The following APBB2 variants were observed in gnomAD, a reference collection of about 807,000 sequenced individuals.
APBB2 encodes the protein Fe65-like 1.
A neutral mutation model predicts 82.5 loss-of-function variants in APBB2; 38 were observed. The ratio of observed to expected loss-of-function variants is 0.46; its 90% CI spans 0.36 to 0.60. APBB2 has a LOEUF of 0.60. Among genes scored for constraint, APBB2 ranks in the 20% least tolerant of loss-of-function variants. The probability of loss-of-function intolerance (pLI) is 0.00; values close to 1 mark genes in which losing one functional copy is unlikely to be tolerated. For missense variants in APBB2, 772 were observed against 972.3 expected (o/e 0.79, Z 2.74); for synonymous variants, 341 against 368.2 (o/e 0.93, Z 0.85).
chr4:40,830,404 C>T, intron 13 of APBB2, 59 bp downstream of exon 13: 2 of 1,227,648 alleles, frequency 1.6e-6, no homozygotes, highest in Non-Finnish European at 1.2e-6. Flanking sequence ...CCTTCCACAT[C>T]CTTTTATGCA....
At chr4:40,968,024 T>TA (rs1795083524) in intron 6 of APBB2, among the ~76,000 whole-genome samples, 2 of 152,198 alleles carry the variant, frequency 1.3e-5, no homozygotes, top group South Asian at 4.1e-4. Context: ...CACTGAGCAG[T>TA]GTTTTCACAT....
intron 6 of APBB2, among the ~76,000 whole-genome samples, chr4:40,987,919 T>A (rs548744680): frequency 2.6e-4 from 39 of 152,320 alleles, no homozygotes; most frequent in African/African-American, 8.9e-4. Flanking sequence ...TGCTAAGATT[T>A]CATGGTCTTC....
intron 6 of APBB2, among the ~76,000 whole-genome samples, chr4:40,971,333 A>G (rs1795880477): frequency 6.6e-6 from 1 of 152,222 alleles, no homozygotes; most frequent in African/African-American, 2.4e-5. Flanking sequence ...TTTTACAAGT[A>G]ATTTCCTCCA....
intron 6 of APBB2, among the ~76,000 whole-genome samples, chr4:40,972,181 C>T (rs1796084012): frequency 6.6e-6 from 1 of 152,048 alleles, no homozygotes; most frequent in African/African-American, 2.4e-5. Flanking sequence ...GTAATCCCAG[C>T]ACTTTGGGAG....
chr4:41,077,171 ATTT>A (rs368187037), intron 3 of APBB2, among the ~76,000 whole-genome samples: 3 of 129,956 alleles, frequency 2.3e-5, no homozygotes, highest in Admixed American at 8.1e-5. Flanking sequence ...CACCCAGCTA[ATTT>A]TTTTTTTTTT....
At chr4:40,925,628 C>A (rs971882362) in intron 10 of APBB2, among the ~76,000 whole-genome samples, 3 of 152,158 alleles carry the variant, frequency 2.0e-5, no homozygotes, top group Non-Finnish European at 4.4e-5. Flanking sequence ...CTGAAAGAAA[C>A]CTGTACCACG....
At chr4:41,065,240 A>G (rs188408261) in intron 4 of APBB2, among the ~76,000 whole-genome samples, 4 of 152,168 alleles carry the variant, frequency 2.6e-5, no homozygotes, top group Admixed American at 6.5e-5. Context: ...AGCTGTGTTC[A>G]TGCCACTGGA....
intron 4 of APBB2, among the ~76,000 whole-genome samples, chr4:41,041,973 T>C (rs1317460434): frequency 6.6e-6 from 1 of 152,136 alleles, no homozygotes; most frequent in Non-Finnish European, 1.5e-5. Context: ...CCCCCACAAA[T>C]ATACCTGATC....
chr4:41,169,100 G>A (rs968717400), intron 1 of APBB2, among the ~76,000 whole-genome samples: 7 of 147,904 alleles, frequency 4.7e-5, no homozygotes, highest in South Asian at 4.3e-4. Context: ...CAGGAGAATC[G>A]TTTGAACCCT....
chr4:40,855,614 T>C (rs758380272), intron 12 of APBB2, among the ~76,000 whole-genome samples: 3 of 152,174 alleles, frequency 2.0e-5, no homozygotes, highest in African/African-American at 7.2e-5. Context: ...TGTGCACTTA[T>C]AGTCCCAGCT....
At chr4:41,175,797 AG>A (rs765975864) in intron 1 of APBB2, among the ~76,000 whole-genome samples, 4 of 152,224 alleles carry the variant, frequency 2.6e-5, no homozygotes, top group Non-Finnish European at 5.9e-5. Flanking sequence ...ATTAGATGTG[AG>A]GAAGAAAACA....
chr4:41,044,505 T>A (rs1722670403), intron 4 of APBB2, among the ~76,000 whole-genome samples: 1 of 152,226 alleles, frequency 6.6e-6, no homozygotes, highest in South Asian at 2.1e-4. Flanking sequence ...AAGCTCACTC[T>A]GTAGAAGGTT....
At position 40,901,909 on chromosome 4, in the gene APBB2, ATGTGTGTGTGTGTGTGTG is replaced by A. The variant is rs35766512; in HGVS notation, c.1255-8516_1255-8499del. Among the ~76,000 whole-genome samples, 5 of 145,542 alleles carry A rather than the reference ATGTGTGTGTGTGTGTGTG, an allele frequency of 3.4e-5. No individual in the cohort carries two copies. The East Asian group carries it at 6.0e-4, about 18-fold the overall frequency. ...ACACCCTGAAAATATATCCAAAATT[ATGTGTGTGTGTGTGTGTG>A]TGTGTGTGTGTGTGTGATGGAAAGA... On this transcript the variant is annotated intron_variant, in intron 10 of 17. Coordinates refer to ENST00000508593, the MANE Select transcript of APBB2 (RefSeq NM_004307.2).
chr4:40,918,605 C>T (rs1780425193), intron 10 of APBB2, among the ~76,000 whole-genome samples: 1 of 152,178 alleles, frequency 6.6e-6, no homozygotes, highest in African/African-American at 2.4e-5. Context: ...GGAGAAGCAG[C>T]AGAGGAACTC....
chr4:40,978,619 C>T (rs1322945227), intron 6 of APBB2, among the ~76,000 whole-genome samples: 1 of 152,068 alleles, frequency 6.6e-6, no homozygotes, highest in African/African-American at 2.4e-5. Context: ...TCAATCCAAC[C>T]GTCAATCACG....
intron 4 of APBB2, among the ~76,000 whole-genome samples, chr4:41,051,657 T>G (rs1478407083): frequency 6.6e-6 from 1 of 152,212 alleles, no homozygotes; most frequent in Admixed American, 6.5e-5. Flanking sequence ...GGCCAGGCTC[T>G]TATTAACCGT....
intron 12 of APBB2, among the ~76,000 whole-genome samples, chr4:40,884,299 T>A (rs1257700499): frequency 6.6e-6 from 1 of 152,222 alleles, no homozygotes; most frequent in African/African-American, 2.4e-5. Flanking sequence ...CTAAAGCACC[T>A]TTTAAATCTA....
intron 6 of APBB2, among the ~76,000 whole-genome samples, chr4:40,995,234 C>T (rs1266407992): frequency 1.3e-5 from 2 of 152,158 alleles, no homozygotes; most frequent in Admixed American, 6.5e-5. Context: ...AGAATGTGCA[C>T]TGAACATGCA....
chr4:40,820,751 C>A (rs545370221), intron 17 of APBB2, among the ~76,000 whole-genome samples: 28 of 152,276 alleles, frequency 1.8e-4, no homozygotes, highest in African/African-American at 6.7e-4. Flanking sequence ...GGCCCCCACA[C>A]GCCATCATCA....
Sources: allele counts gnomAD v4.1 joint callset (sites outside exome capture counted in the v4.1 genomes callset), GRCh38; gene constraint gnomAD v4.1.1; transcripts MANE v1.5; gene names NCBI Gene and HGNC (gene_info 2026-07-23, HGNC 2026-07-21).